INTS1: variants seen among roughly 807,000 people sequenced by gnomAD.
The protein encoded by INTS1 is integrator complex subunit 1.
A neutral mutation model predicts 241.6 loss-of-function variants in INTS1; 137 were observed. The observed-to-expected ratio is 0.57, with a 90% CI of 0.49 to 0.65. INTS1 has a LOEUF of 0.65. Among genes scored for constraint, INTS1 ranks in the 30% least tolerant of loss-of-function variants. The pLI is 0.00. For synonymous variants in INTS1, 1,692 were observed against 1,337.8 expected (o/e 1.26, Z -5.78); for missense variants, 3,073 against 3,032.2 (o/e 1.01, Z -0.32).
At position 1,471,016 on chromosome 7, in the gene INTS1, C is replaced by T. The variant is rs559625340; in HGVS notation, c.6348-61G>A. On this transcript the variant is annotated intron_variant, in intron 46 of 47. Coordinates refer to ENST00000404767, the MANE Select transcript of INTS1 (RefSeq NM_001080453.3). ...CCTGTGCCCACGCCAGACCCCCACC[C>T]GACAGGGCGAGCTGAGCCGCCTGGA... 2.0e-4 allele frequency: 303 copies of T among 1,518,846 alleles called. 1 individual carries two copies. Among genetic ancestry groups the T allele is most frequent in the Admixed American group, 2.0e-4 (10 of 50,372 alleles). The allele number at this position is 1,518,846 out of a possible 1,614,324, so 94.1% of individuals were successfully genotyped here. A position where few individuals can be genotyped will look rare whatever the true frequency, so the allele number is the denominator to read the frequency against.
At position 1,499,040 on chromosome 7, in the gene INTS1, AG is replaced by A; in HGVS notation, c.1071del (p.Cys358AlafsTer23). 6.3e-7 allele frequency: 1 copy of A among 1,577,494 alleles called. No homozygotes were observed. Among genetic ancestry groups the A allele is most frequent in the Non-Finnish European group, 8.6e-7 (1 of 1,163,642 alleles). On this transcript the variant is annotated frameshift_variant, in exon 8 of 48. Coordinates refer to ENST00000404767, the MANE Select transcript of INTS1 (RefSeq NM_001080453.3). LOFTEE classifies it high-confidence loss of function. ...AGCAGCCGCACCTCCTTATAGCCGC[AG>A]GTGGAGGTGAGGAGCCGCAGGAGGT... The part of the protein sequence containing the change: ...SRNLLRLLTS[T>X]CGYKEVRLLA...
Position 1,499,921 on chromosome 7 carries a change from T to G in INTS1, c.647A>C (p.Tyr216Ser), listed in dbSNP as rs1283782748. The G allele has an allele frequency of 6.2e-7, 1 of 1,613,610 alleles. No homozygotes were observed. Among genetic ancestry groups the G allele is most frequent in the Non-Finnish European group, 8.5e-7 (1 of 1,179,780 alleles). The change falls in exon 5 of 48, where the codon TAC (tyrosine) becomes TCC (serine). Residue 216 changes from tyrosine to serine, a missense_variant. Physicochemically the swap from Tyr to Ser is moderately radical, Grantham distance 144 (BLOSUM62 -2). Coordinates refer to ENST00000404767, the MANE Select transcript of INTS1 (RefSeq NM_001080453.3). The part of the protein sequence containing the change: ...VLACNLLMAA[Y>S]EEDENWPEIF... ...CTCGGGCCAGTTCTCGTCCTCCTCG[T>G]AGGCGGCCATGAGGAGGTTACAGGC...
At position 1,479,450 on chromosome 7, in the gene INTS1, G is replaced by C. The variant is rs755059532; in HGVS notation, c.4309C>G (p.Arg1437Gly). The change falls in exon 31 of 48, where the codon CGC (arginine) becomes GGC (glycine). Residue 1437 changes from arginine to glycine, a missense_variant. Coordinates refer to ENST00000404767, the MANE Select transcript of INTS1 (RefSeq NM_001080453.3). ...RSHFLACPLL[R>G]QLCQYQRCVP... ...AGTACCTGGTACTGGCAGAGCTGGC[G>C]CAGCAGCGGGCAGGCCAGGAAGTGG... 6.3e-7 allele frequency: 1 copy of C among 1,577,606 alleles called. No homozygotes were observed. The highest frequency in any genetic ancestry group is 1.3e-5 in the African/African-American group (1 of 74,174).
At chr7:1,498,252 C>A in intron 10 of INTS1, 160 bp downstream of exon 10, 1 of 1,134,388 alleles carries the variant, frequency 8.8e-7, no homozygotes, top group Non-Finnish European at 1.2e-6. Flanking sequence ...AACGGCTCAA[C>A]CTCATGCCCA....
rs548884432 is a variant in INTS1 at position 1,476,949 on chromosome 7, T to C, written c.4939-31A>G. 13 of 1,594,150 alleles carry C rather than the reference T, an allele frequency of 8.2e-6. No homozygotes were observed. The African/African-American group carries it at 1.2e-4, about 15-fold the overall frequency. ...GAGGGAGGAAGAAGCCCGGATGGCCTCACCTGGGCCAATGGCAGGCTCTGC... is the reference window on the plus strand; with the variant it reads ...GAGGGAGGAAGAAGCCCGGATGGCCCCACCTGGGCCAATGGCAGGCTCTGC... On this transcript the variant is annotated intron_variant, in intron 35 of 47. Coordinates refer to ENST00000404767, the MANE Select transcript of INTS1 (RefSeq NM_001080453.3).
intron 43 of INTS1, among the ~76,000 whole-genome samples, chr7:1,472,657 C>T (rs574857956): frequency 2.0e-5 from 3 of 152,324 alleles, no homozygotes; most frequent in Non-Finnish European, 2.9e-5. Context: ...CCTTGGGACC[C>T]GGGCCTGGCG....
rs145773744 is a variant in INTS1 at position 1,481,147 on chromosome 7, G to A, written c.3850+195C>T. 75 of 753,306 alleles carry A rather than the reference G, an allele frequency of 1.0e-4. 1 individual carries two copies. The East Asian group carries it at 2.0e-3, about 20-fold the overall frequency. 46.7% of individuals were successfully genotyped at this position (753,306 alleles called of 1,614,324 possible). A position where few individuals can be genotyped will look rare whatever the true frequency, so the allele number is the denominator to read the frequency against. Reference sequence around the variant, plus strand: ...AGGGGGTGCCTGGCCCCAGGGTTGGGGCAGGCCCAGGCCTCGGCTCCCTCC... The same window carrying A: ...AGGGGGTGCCTGGCCCCAGGGTTGGAGCAGGCCCAGGCCTCGGCTCCCTCC... On this transcript the variant is annotated intron_variant, in intron 28 of 47. Transcript: ENST00000404767. The surrounding 1 kb of genome is among the most constrained non-coding windows in gnomAD (Gnocchi z 6.8).
rs533662499 is a variant in INTS1, at chr7:1,497,393, G to A, written c.1426-79C>T. ...CAGGCCCCTTCCCGCAGCACCAACA[G>A]GTATGGCGCCCGAGGGCGCTGCAGT... On this transcript the variant is annotated intron_variant, in intron 10 of 47. Transcript: ENST00000404767. This position sits in a 1 kb window ranked among gnomAD's most constrained non-coding sequence, Gnocchi z 5.3. 16 of 1,468,248 alleles carry A rather than the reference G, an allele frequency of 1.1e-5. No individual in the cohort carries two copies. The East Asian group carries it at 1.2e-4, about 11-fold the overall frequency. The allele number at this position is 1,468,248 out of a possible 1,614,324, so 91.0% of individuals were successfully genotyped here.
At position 1,499,930 on chromosome 7, in the gene INTS1, A is replaced by G; in HGVS notation, c.638T>C (p.Met213Thr). ...GTTCTCGTCCTCCTCGTAGGCGGCC[A>G]TGAGGAGGTTACAGGCCAGCACAGA... Reference protein sequence around the residue: ...LVSVLACNLLMAAYEEDENWP... With the variant: ...LVSVLACNLLTAAYEEDENWP... Residue 213 changes from methionine to threonine, a missense_variant, in exon 5 of 48, where the codon ATG (methionine) becomes ACG (threonine). Coordinates refer to ENST00000404767, the MANE Select transcript of INTS1 (RefSeq NM_001080453.3). The G allele has an allele frequency of 1.2e-6, 2 of 1,613,704 alleles. No homozygotes were observed. The highest frequency in any genetic ancestry group is 2.2e-5 in the East Asian group (1 of 44,874).
chr7:1,475,826 G>T, intron 39 of INTS1, 122 bp downstream of exon 39: 1 of 1,264,890 alleles, frequency 7.9e-7, no homozygotes, highest in Admixed American at 2.5e-5. Context: ...GGGCGGCGCG[G>T]ACTGGGAAGG....
chr7:1,489,685 G>A lies in INTS1; in HGVS notation c.2166-3C>T, dbSNP rs748315496. ...TGGCGAGGTTCGGAGGCTGGTACCTGGAAGGCAGGGGCGCCCCGACTCAGG... is the reference window on the plus strand; with the variant it reads ...TGGCGAGGTTCGGAGGCTGGTACCTAGAAGGCAGGGGCGCCCCGACTCAGG... On this transcript the variant is annotated splice_region_variant and splice_polypyrimidine_tract_variant and intron_variant, in intron 16 of 47. Transcript: ENST00000404767. 2 of 1,523,800 alleles carry A rather than the reference G, an allele frequency of 1.3e-6. No homozygotes were observed. Among genetic ancestry groups the A allele is most frequent in the East Asian group, 2.4e-5 (1 of 42,054 alleles). 94.4% of individuals were successfully genotyped at this position (1,523,800 alleles called of 1,614,324 possible).
chr7:1,493,127 T>C lies in INTS1; in HGVS notation c.2069-21A>G. ...CACATCTAAGACCAAGAGCCACACA[T>C]GGGTTCTGGGGCTGCTCACAGACCA... On this transcript the variant is annotated intron_variant, in intron 15 of 47. Coordinates refer to ENST00000404767, the MANE Select transcript of INTS1 (RefSeq NM_001080453.3). This position sits in a 1 kb window ranked among gnomAD's most constrained non-coding sequence, Gnocchi z 5.3. The C allele has an allele frequency of 1.7e-5, 27 of 1,554,012 alleles. No individual in the cohort carries two copies. The highest frequency in any genetic ancestry group is 2.4e-5 in the Non-Finnish European group (27 of 1,139,666).
At chr7:1,482,382 C>A in intron 27 of INTS1, 164 bp downstream of exon 27, 1 of 629,518 alleles carries the variant, frequency 1.6e-6, no homozygotes. Flanking sequence ...GGGTCCAGCA[C>A]AGCCTGCTGT....
At position 1,483,761 on chromosome 7, in the gene INTS1, C is replaced by T; in HGVS notation, c.3522G>A (p.Leu1174=). ...GCTCACCTCGAGGCGGGCCCAGCGT[C>T]AGCAGGATCACCATGGCATGGACCA... ...ILVVHAMVIL[L]TLGPPRADDS... Residue 1174 remains leucine (L), a synonymous_variant, in exon 26 of 48, where the codon CTG becomes CTA. Coordinates refer to ENST00000404767, the MANE Select transcript of INTS1 (RefSeq NM_001080453.3). The T allele has an allele frequency of 6.2e-7, 1 of 1,611,350 alleles. No homozygotes were observed. The highest frequency in any genetic ancestry group is 8.5e-7 in the Non-Finnish European group (1 of 1,179,730).
chr7:1,470,908 T>C lies in INTS1; in HGVS notation c.6395A>G (p.Gln2132Arg), dbSNP rs1260280117. Residue 2132 changes from glutamine (Q) to arginine (R), a missense_variant, in exon 47 of 48, where the codon CAG (glutamine) becomes CGG (arginine). Transcript: ENST00000404767. ...LPTFMYCLGS[Q>R]DFEVVQTALR... is the part of the protein sequence containing the mutation. ...GGCCGTCTGCACCACCTCAAAGTCCTGGCTGCCCAGGCAGTACATGAACGT... is the reference window on the plus strand; with the variant it reads ...GGCCGTCTGCACCACCTCAAAGTCCCGGCTGCCCAGGCAGTACATGAACGT... 1 of 1,589,914 alleles carries C rather than the reference T, an allele frequency of 6.3e-7. No homozygotes were observed.
At chr7:1,496,778 C>A (rs1446379900) in intron 11 of INTS1, among the ~76,000 whole-genome samples, 2 of 152,172 alleles carry the variant, frequency 1.3e-5, no homozygotes, top group Non-Finnish European at 2.9e-5. Flanking sequence ...CCTCACTGTG[C>A]CTTCCAGCGC....
chr7:1,474,221 C>A lies in INTS1; in HGVS notation c.5776G>T (p.Glu1926Ter). ...CAGTCCCACAGCGCCCCCTGGTGCT[C>A]GCTGCGGAACACGTGCGGCTGCAGC... is the stretch of plus-strand genomic sequence containing the variant. ...ELLQPHVFRS[E>*]HQGALWDCLL... Residue 1926 changes from glutamate (E) to a stop codon, truncating the protein, a stop_gained, in exon 41 of 48, where the codon GAG becomes TAG. Transcript: ENST00000404767. LOFTEE classifies it high-confidence loss of function. 1 of 1,595,972 alleles carries A rather than the reference C, an allele frequency of 6.3e-7. No individual in the cohort carries two copies. Among genetic ancestry groups the A allele is most frequent in the South Asian group, 1.1e-5 (1 of 90,520 alleles).
chr7:1,496,875 T>A (rs2128543091), intron 11 of INTS1, among the ~76,000 whole-genome samples: 1 of 151,950 alleles, frequency 6.6e-6, no homozygotes, highest in South Asian at 2.1e-4. Context: ...GTGCTCCCCT[T>A]GCTGCCGGCA....
At chr7:1,471,886 C>G (rs1781484071) in intron 44 of INTS1, 3 of 586,646 alleles carry the variant, frequency 5.1e-6, no homozygotes, top group Non-Finnish European at 9.1e-6. Context: ...ATCCAGGGTG[C>G]TCTTAGCACC....
Sources: allele counts gnomAD v4.1 joint callset (sites outside exome capture counted in the v4.1 genomes callset), GRCh38; gene constraint gnomAD v4.1.1; non-coding constraint Gnocchi (gnomAD v3.1); transcripts MANE v1.5; gene names NCBI Gene and HGNC (gene_info 2026-07-23, HGNC 2026-07-21).